Variants in ABHD2 observed in about 807,000 individuals in gnomAD.
ABHD2 encodes the protein abhydrolase domain containing 2, acylglycerol lipase, also known as monoacylglycerol lipase ABHD2.
ABHD2 carries 20 observed loss-of-function variants against 48.1 expected under a neutral mutation model. The observed-to-expected ratio is 0.42, with a 90% CI of 0.29 to 0.60. The LOEUF (loss-of-function observed/expected upper bound fraction) is 0.60. Ranked by LOEUF, ABHD2 falls within the 20% of genes least tolerant of loss-of-function variation. The pLI is 0.24. For synonymous variants in ABHD2, 209 were observed against 214.2 expected (o/e 0.98, Z 0.21); for missense variants, 405 against 550.9 (o/e 0.74, Z 2.65).
chr15:89,119,465 G>A (rs140169297), intron 3 of ABHD2, among the ~76,000 whole-genome samples: 306 of 152,214 alleles, frequency 2.0e-3, no homozygotes, highest in African/African-American at 6.7e-3. Context: ...TTTTGTCCGC[G>A]TTACTACTGC....
In ABHD2 at chr15:89,151,527, C is replaced by T. The variant is rs1270946916; in HGVS notation, c.195-150C>T. 1.5e-5 allele frequency: 12 copies of T among 774,214 alleles called. No homozygotes were observed. In the Admixed American group the frequency reaches 1.8e-4, roughly 11 times the overall value. The allele number at this position is 774,214 out of a possible 1,614,324, so 48.0% of individuals were successfully genotyped here. A position where few individuals can be genotyped will look rare whatever the true frequency, so the allele number is the denominator to read the frequency against. ...TGGGGAAAGGCGGTAAATCATGGCACGGATGTAACGTAATAAAAGCCTCAT... is the reference window on the plus strand; with the variant it reads ...TGGGGAAAGGCGGTAAATCATGGCATGGATGTAACGTAATAAAAGCCTCAT... On this transcript the variant is annotated intron_variant, in intron 3 of 10. Transcript: ENST00000352732. This position sits in a 1 kb window ranked among gnomAD's most constrained non-coding sequence, Gnocchi z 4.7.
At chr15:89,115,916 GA>G (rs944182375) in intron 2 of ABHD2, among the ~76,000 whole-genome samples, 4 of 151,598 alleles carry the variant, frequency 2.6e-5, no homozygotes, top group Non-Finnish European at 5.9e-5. Flanking sequence ...CTACAGAGAG[GA>G]AAAAAAACAA....
At chr15:89,067,605 A>C in the ABHD2 span, among the ~76,000 whole-genome samples, 1 of 151,990 alleles carries the variant, frequency 6.6e-6, no homozygotes, top group African/African-American at 2.4e-5. Flanking sequence ...TAGACCCTGG[A>C]CCCCAGGCAT....
At chr15:89,191,212 A>G (rs1567113332) in intron 9 of ABHD2, 63 bp downstream of exon 9, 1 of 1,518,370 alleles carries the variant, frequency 6.6e-7, no homozygotes, top group Non-Finnish European at 9.0e-7. Context: ...ACAATACGAC[A>G]GATACCTCTC....
intron 10 of ABHD2, among the ~76,000 whole-genome samples, chr15:89,193,988 G>A (rs1448471748): frequency 6.6e-6 from 1 of 152,002 alleles, no homozygotes; most frequent in African/African-American, 2.4e-5. Flanking sequence ...CTACTCAGGA[G>A]GCTGAGGCAG....
chr15:89,142,673 G>A (rs979584416), intron 3 of ABHD2, among the ~76,000 whole-genome samples: 2 of 152,136 alleles, frequency 1.3e-5, no homozygotes, highest in East Asian at 1.9e-4. Flanking sequence ...TCAGCAAGTG[G>A]CCTGCCCAGC....
In ABHD2 at chr15:89,195,867, A is replaced by G. The variant is rs920057002; in HGVS notation, c.*444A>G. 6 of 153,564 alleles carry G rather than the reference A, an allele frequency of 3.9e-5. No individual in the cohort carries two copies. Among genetic ancestry groups the G allele is most frequent in the Admixed American group, 1.3e-4 (2 of 15,332 alleles). 9.5% of individuals were successfully genotyped at this position (153,564 alleles called of 1,614,324 possible). Reference sequence around the variant, plus strand: ...AAAAAGAGCTCACCCTTCCAGGCCAATGCTGAAGACACAGCTCCGCTTGGG... The same window carrying G: ...AAAAAGAGCTCACCCTTCCAGGCCAGTGCTGAAGACACAGCTCCGCTTGGG... On this transcript the variant is annotated 3_prime_UTR_variant, in exon 11 of 11. Coordinates refer to ENST00000352732, the MANE Select transcript of ABHD2 (RefSeq NM_152924.5). This position sits in a 1 kb window ranked among gnomAD's most constrained non-coding sequence, Gnocchi z 5.1.
intron 1 of ABHD2, among the ~76,000 whole-genome samples, chr15:89,090,667 T>C (rs1457175664): frequency 1.3e-5 from 2 of 152,282 alleles, no homozygotes; most frequent in South Asian, 2.1e-4. Flanking sequence ...TTTAAAATTA[T>C]CGTTAAAAGC....
chr15:89,090,028 T>C (rs375327086), intron 1 of ABHD2, among the ~76,000 whole-genome samples: 3 of 152,124 alleles, frequency 2.0e-5, no homozygotes, highest in African/African-American at 7.2e-5. Flanking sequence ...GGCTGGTTGG[T>C]CATCACAGGC....
At position 89,094,989 on chromosome 15, in the gene ABHD2, G is replaced by A. The variant is rs138507663; in HGVS notation, c.-107+6426G>A. 6.7e-6 allele frequency among the ~76,000 whole-genome samples: 1 copy of A among 149,736 alleles called. No homozygotes were observed. The highest frequency in any genetic ancestry group is 1.5e-5 in the Non-Finnish European group (1 of 67,368). ...TGAAGCAGGAGAATCACTTGAACCC[G>A]GGAGGCAGAGGTTCCGGTGAGCCAA... On this transcript the variant is annotated intron_variant, in intron 1 of 10. Transcript: ENST00000352732. The surrounding 1 kb of genome is among the most constrained non-coding windows in gnomAD (Gnocchi z 4.7).
chr15:89,178,996 A>G (rs899620995), intron 6 of ABHD2, among the ~76,000 whole-genome samples: 1 of 152,246 alleles, frequency 6.6e-6, no homozygotes, highest in Admixed American at 6.5e-5. Flanking sequence ...GTTTGGGTGT[A>G]AAAGATAGTC....
rs1464261360 is a variant in ABHD2 at position 89,114,746 on chromosome 15, A to G, written c.-7+922A>G. ...TGATCCACCCACTTTGGCCTCCCAA[A>G]GTGCATGATTACAGGCATGAGCCAT... On this transcript the variant is annotated intron_variant, in intron 2 of 10. Transcript: ENST00000352732. The surrounding 1 kb of genome is among the most constrained non-coding windows in gnomAD (Gnocchi z 4.2). Among the ~76,000 whole-genome samples, 1 of 152,178 alleles carries G rather than the reference A, an allele frequency of 6.6e-6. No individual in the cohort carries two copies. Among genetic ancestry groups the G allele is most frequent in the Admixed American group, 6.5e-5 (1 of 15,280 alleles).
In ABHD2 at chr15:89,186,725, A is replaced by C. The variant is rs1402941488; in HGVS notation, c.815+1209A>C. On this transcript the variant is annotated intron_variant, in intron 7 of 10. Transcript: ENST00000352732. This position sits in a 1 kb window ranked among gnomAD's most constrained non-coding sequence, Gnocchi z 4.3. ...CACCCGAGACACACCCGTTCGCTCAAAAAAATTTGGGGGATTTTTGGTATC... is the reference window on the plus strand; with the variant it reads ...CACCCGAGACACACCCGTTCGCTCACAAAAATTTGGGGGATTTTTGGTATC... Among the ~76,000 whole-genome samples, 4 of 152,196 alleles carry C rather than the reference A, an allele frequency of 2.6e-5. No homozygotes were observed. The highest frequency in any genetic ancestry group is 4.4e-5 in the Non-Finnish European group (3 of 68,036).
At chr15:89,127,714 T>TATATA (rs1490450606) in intron 3 of ABHD2, among the ~76,000 whole-genome samples, 1 of 85,566 alleles carries the variant, frequency 1.2e-5, no homozygotes, top group African/African-American at 6.4e-5. Context: ...TACATATATA[T>TATATA]ATATACACAT....
In ABHD2 at chr15:89,185,276, C is replaced by A; in HGVS notation, c.723-148C>A. 1.6e-6 allele frequency: 1 copy of A among 621,834 alleles called. No individual in the cohort carries two copies. Among genetic ancestry groups the A allele is most frequent in the Non-Finnish European group, 2.8e-6 (1 of 351,538 alleles). 38.5% of individuals were successfully genotyped at this position (621,834 alleles called of 1,614,324 possible). ...TCTCCACAGGTGTTTGAGCTCTGCA[C>A]ATTAGAGCCTCTGTTTTAATGCAGA... On this transcript the variant is annotated intron_variant, in intron 6 of 10. Transcript: ENST00000352732. The surrounding 1 kb of genome is among the most constrained non-coding windows in gnomAD (Gnocchi z 5.9).
intron 1 of ABHD2, among the ~76,000 whole-genome samples, chr15:89,108,392 A>G (rs562201930): frequency 3.3e-5 from 5 of 152,168 alleles, no homozygotes; most frequent in Non-Finnish European, 7.3e-5. Flanking sequence ...GTGTCTTTGT[A>G]TCCAGATTTC....
In ABHD2 at chr15:89,164,382, TAGAG is replaced by T. The variant is rs1410566852; in HGVS notation, c.538+8854_538+8857del. ...AATCTCCTCCATCTAGTGTATCACT[TAGAG>T]AGAGATGGTCAGGAAAGGCCTGCAG... On this transcript the variant is annotated intron_variant, in intron 5 of 10. Transcript: ENST00000352732. The surrounding 1 kb of genome is among the most constrained non-coding windows in gnomAD (Gnocchi z 5.0). Among the ~76,000 whole-genome samples the T allele has an allele frequency of 6.6e-6, 1 of 152,186 alleles. No homozygotes were observed. Among genetic ancestry groups the T allele is most frequent in the Non-Finnish European group, 1.5e-5 (1 of 68,032 alleles).
At chr15:89,124,361 A>G (rs1458077997) in intron 3 of ABHD2, among the ~76,000 whole-genome samples, 1 of 152,206 alleles carries the variant, frequency 6.6e-6, no homozygotes, top group Non-Finnish European at 1.5e-5. Context: ...CTCAATCTTA[A>G]AGCATCAGGC....
rs1318301165 is a variant in ABHD2, at chr15:89,196,534, CCA to C, written c.*1112_*1113del. 6.6e-6 allele frequency: 1 copy of C among 152,192 alleles called. No individual in the cohort carries two copies. The highest frequency in any genetic ancestry group is 2.4e-5 in the African/African-American group (1 of 41,436). 9.4% of individuals were successfully genotyped at this position (152,192 alleles called of 1,614,324 possible). A position where few individuals can be genotyped will look rare whatever the true frequency, so the allele number is the denominator to read the frequency against. On this transcript the variant is annotated 3_prime_UTR_variant, in exon 11 of 11. Transcript: ENST00000352732. ...CCAGGGGAGCCTGGGAGCTGCTCTC[CCA>C]GTCTAAGCATGTAGATATCATCGTT...
Sources: allele counts gnomAD v4.1 joint callset (sites outside exome capture counted in the v4.1 genomes callset), GRCh38; gene constraint gnomAD v4.1.1; non-coding constraint Gnocchi (gnomAD v3.1); transcripts MANE v1.5; gene names NCBI Gene and HGNC (gene_info 2026-07-23, HGNC 2026-07-21).